CAMKK2: variants seen among roughly 807,000 people sequenced by gnomAD.
CAMKK2 encodes the protein calcium/calmodulin-dependent protein kinase kinase 2.
A neutral mutation model predicts 67.2 loss-of-function variants in CAMKK2; 30 were observed. The observed-to-expected ratio is 0.45, with a 90% confidence interval of 0.33 to 0.61. The LOEUF is 0.61. CAMKK2 is among the 20% of genes least tolerant of loss of function. The pLI, the probability that CAMKK2 is intolerant of heterozygous loss-of-function variation, is 0.02. For missense variants in CAMKK2, 643 were observed against 802.0 expected (o/e 0.80, Z 2.39); for synonymous variants, 322 against 326.2 (o/e 0.99, Z 0.14).
intron 1 of CAMKK2, among the ~76,000 whole-genome samples, chr12:121,279,598 G>C (rs1231921116): frequency 6.6e-6 from 1 of 152,232 alleles, no homozygotes; most frequent in African/African-American, 2.4e-5. Context: ...TGCCAGGGAA[G>C]GACAGTGAAG....
rs549313236 is a variant in CAMKK2, at chr12:121,279,585, C to G, written c.-59-5000G>C. Among the ~76,000 whole-genome samples, 122 of 152,350 alleles carry G rather than the reference C, an allele frequency of 8.0e-4. 1 individual carries two copies. The highest frequency in any genetic ancestry group is 2.9e-3 in the African/African-American group (120 of 41,578). On this transcript the variant is annotated intron_variant, in intron 1 of 16. Coordinates refer to ENST00000404169, the MANE Select transcript of CAMKK2 (RefSeq NM_001270485.2). ...CATGTAACCCTCACAGGACCAGGCC[C>G]TCTGCCAGGGAAGGACAGTGAAGCA...
At position 121,268,670 on chromosome 12, in the gene CAMKK2, T is replaced by G; in HGVS notation, c.593A>C (p.Lys198Thr). 6.2e-7 allele frequency: 1 copy of G among 1,614,122 alleles called. No individual in the cohort carries two copies. Among genetic ancestry groups the G allele is most frequent in the Non-Finnish European group, 8.5e-7 (1 of 1,179,978 alleles). ...NTYYAMKVLS[K>T]KKLIRQAGFP... The stretch of plus-strand genomic sequence containing the variant: ...GCCGGCCTGCCGGATCAGCTTCTTT[T>G]TGGACAGCACCTTCATTGCCTGCAG... The change falls in exon 5 of 17, where the codon AAA becomes ACA. Residue 198 changes from lysine (K) to threonine (T), a missense_variant. By Grantham distance (78) the Lys-to-Thr change is moderately conservative. This residue lies in a region of CAMKK2 where 483 missense variants were observed against 625.8 expected (regional missense o/e 0.77). Coordinates refer to ENST00000404169, the MANE Select transcript of CAMKK2 (RefSeq NM_001270485.2).
chr12:121,260,676 G>T (rs1893263007), intron 6 of CAMKK2: 2 of 514,740 alleles, frequency 3.9e-6, no homozygotes, highest in Admixed American at 8.2e-5. Flanking sequence ...TCTCCGGCTG[G>T]GCGCAGTGGC....
chr12:121,243,979 A>G, intron 16 of CAMKK2: 1 of 1,500,048 alleles, frequency 6.7e-7, no homozygotes, highest in Non-Finnish European at 8.9e-7. Flanking sequence ...TAAGGACACA[A>G]AGCCTCATCT....
At chr12:121,264,011 G>T in intron 5 of CAMKK2, 72 bp from the exon 6 acceptor site, 1 of 1,404,492 alleles carries the variant, frequency 7.1e-7, no homozygotes, top group Admixed American at 2.5e-5. Context: ...CTGCAGGTGG[G>T]ATGCCAAAAG....
At chr12:121,244,116 C>A in intron 16 of CAMKK2, 1 of 1,612,066 alleles carries the variant, frequency 6.2e-7, no homozygotes, top group Non-Finnish European at 8.5e-7. Flanking sequence ...AGGAAGGGGA[C>A]TTATTTTCTA....
chr12:121,244,569 T>A lies in CAMKK2; in HGVS notation c.1596+4A>T. On this transcript the variant is annotated splice_donor_region_variant and intron_variant, in intron 16 of 16. Coordinates refer to ENST00000404169, the MANE Select transcript of CAMKK2 (RefSeq NM_001270485.2). ...AGGCTACGGCACAGGCAGGCGGGCGTTACCTTGAGCTCAGACAGGGACTCA... is the reference window on the plus strand; with the variant it reads ...AGGCTACGGCACAGGCAGGCGGGCGATACCTTGAGCTCAGACAGGGACTCA... The A allele has an allele frequency of 6.4e-7, 1 of 1,557,670 alleles. No homozygotes were observed. Among genetic ancestry groups the A allele is most frequent in the Non-Finnish European group, 8.7e-7 (1 of 1,150,636 alleles).
At chr12:121,274,623 C>T (rs200595699) in intron 1 of CAMKK2, 38 bp from the exon 2 acceptor site, 101 of 797,120 alleles carry the variant, frequency 1.3e-4, no homozygotes, top group African/African-American at 1.1e-3. Flanking sequence ...CCAGCTCCTA[C>T]GGGCAGGGAC....
In CAMKK2 at chr12:121,273,800, G is replaced by A. The variant is rs534296696; in HGVS notation, c.471+256C>T. Among the ~76,000 whole-genome samples the A allele has an allele frequency of 5.3e-5, 8 of 152,142 alleles. No individual in the cohort carries two copies. The South Asian group carries it at 1.4e-3, about 28-fold the overall frequency. ...TCCCACGGAAGGAAAAAGCCCCAGC[G>A]GCCCACACTCCACACTGGTAATCGG... On this transcript the variant is annotated intron_variant, in intron 2 of 16. Transcript: ENST00000404169.
chr12:121,279,400 C>T lies in CAMKK2; in HGVS notation c.-59-4815G>A, dbSNP rs139961423. Among the ~76,000 whole-genome samples, 882 of 152,292 alleles carry T rather than the reference C, an allele frequency of 5.8e-3. 6 individuals carry two copies. The highest frequency in any genetic ancestry group is 0.021 in the African/African-American group (857 of 41,550). On this transcript the variant is annotated intron_variant, in intron 1 of 16. Transcript: ENST00000404169. ...CTAGAGTCTAGGCCAGTGTCCTGAA[C>T]GGTTTGGGGGTCACAGACCCTACAA...
chr12:121,267,583 C>T (rs1894883337), intron 5 of CAMKK2, among the ~76,000 whole-genome samples: 1 of 151,836 alleles, frequency 6.6e-6, no homozygotes, highest in African/African-American at 2.4e-5. Context: ...ACCTCCACCT[C>T]CTTGGTTCAT....
chr12:121,281,328 T>C (rs968070725), intron 1 of CAMKK2, among the ~76,000 whole-genome samples: 1 of 152,212 alleles, frequency 6.6e-6, no homozygotes, highest in Non-Finnish European at 1.5e-5. Context: ...CGGACACACC[T>C]GTGCAGGCTC....
intron 13 of CAMKK2, among the ~76,000 whole-genome samples, chr12:121,249,283 T>C (rs1202628026): frequency 6.6e-6 from 1 of 152,188 alleles, no homozygotes. Context: ...CCAGGGCAAA[T>C]CTCTAGATTT....
At chr12:121,283,885 G>A (rs1898234342) in intron 1 of CAMKK2, among the ~76,000 whole-genome samples, 1 of 152,202 alleles carries the variant, frequency 6.6e-6, no homozygotes. Flanking sequence ...GGAGATTTCA[G>A]ATAAAAGTGC....
At position 121,240,623 on chromosome 12, in the gene CAMKK2, T is replaced by C; in HGVS notation, c.*76A>G. The C allele has an allele frequency of 1.3e-6, 2 of 1,534,910 alleles. No individual in the cohort carries two copies. Among genetic ancestry groups the C allele is most frequent in the Non-Finnish European group, 1.7e-6 (2 of 1,146,800 alleles). On this transcript the variant is annotated 3_prime_UTR_variant, in exon 17 of 17. Transcript: ENST00000404169. The surrounding 1 kb of genome is among the most constrained non-coding windows in gnomAD (Gnocchi z 4.4). ...ACACGTGCTGGGTTTCCGTAGGACA[T>C]GCTGCTATGGAAACGCGGTGCAGCA...
At chr12:121,273,138 A>C (rs941410640) in intron 2 of CAMKK2, among the ~76,000 whole-genome samples, 3 of 152,252 alleles carry the variant, frequency 2.0e-5, no homozygotes, top group African/African-American at 7.2e-5. Context: ...AAGGAAAGCA[A>C]ATAGGGCCAT....
intron 16 of CAMKK2, chr12:121,243,848 G>T (rs1050051390): frequency 1.5e-6 from 2 of 1,327,020 alleles, no homozygotes; most frequent in African/African-American, 1.5e-5. Context: ...AGAAACAGAA[G>T]TGACTGCCTG....
chr12:121,287,692 T>G (rs1241194634), intron 1 of CAMKK2, among the ~76,000 whole-genome samples: 1 of 152,184 alleles, frequency 6.6e-6, no homozygotes, highest in African/African-American at 2.4e-5. Flanking sequence ...GTGGGCCAGG[T>G]ACAGTGGTGG....
chr12:121,246,335 C>G (rs1889462558), intron 14 of CAMKK2, among the ~76,000 whole-genome samples: 1 of 151,688 alleles, frequency 6.6e-6, no homozygotes, highest in South Asian at 2.1e-4. Flanking sequence ...CACCTGAGGT[C>G]AGGAGTTTGA....
Sources: gnomAD v4.1 joint callset for allele counts (sites outside exome capture counted in the v4.1 genomes callset) on GRCh38, gnomAD v4.1.1 for gene constraint, gnomAD v4.1.1 regional missense constraint, Gnocchi (gnomAD v3.1) non-coding constraint, MANE v1.5 for transcripts, NCBI Gene and HGNC (gene_info 2026-07-23, HGNC 2026-07-21) for gene names.